The following OSMR variants were observed in gnomAD, a reference collection of about 807,000 sequenced individuals.
OSMR encodes the protein oncostatin-M-specific receptor subunit beta.
OSMR carries 81 observed loss-of-function variants against 99.9 expected under a neutral mutation model. The ratio of observed to expected loss-of-function variants is 0.81; its 90% confidence interval spans 0.68 to 0.97. The LOEUF is 0.97. Ranked by LOEUF, OSMR falls within the 50% of genes least tolerant of loss-of-function variation. The probability of loss-of-function intolerance (pLI) is 0.00; values close to 1 mark genes in which losing one functional copy is unlikely to be tolerated. For synonymous variants in OSMR, 406 were observed against 410.4 expected (o/e 0.99, Z 0.13); for missense variants, 1,099 against 1,153.4 (o/e 0.95, Z 0.68).
At chr5:38,894,490 G>A (rs1251809667) in intron 7 of OSMR, among the ~76,000 whole-genome samples, 4 of 151,850 alleles carry the variant, frequency 2.6e-5, no homozygotes, top group African/African-American at 9.7e-5. Flanking sequence ...TCAAAGTAAA[G>A]GGTTGGAGAA....
Position 38,898,950 on chromosome 5 carries a change from CTT to C in OSMR, c.992-4909_992-4908del, listed in dbSNP as rs58159819. Among the ~76,000 whole-genome samples, 471 of 78,220 alleles carry C rather than the reference CTT, an allele frequency of 6.0e-3. 1 individual carries two copies. The highest frequency in any genetic ancestry group is 0.02 in the African/African-American group (323 of 15,958). The allele number at this position is 78,220 out of a possible 152,430, so 51.3% of individuals were successfully genotyped here. A position where few individuals can be genotyped will look rare whatever the true frequency, so the allele number is the denominator to read the frequency against. On this transcript the variant is annotated intron_variant, in intron 7 of 17. Coordinates refer to ENST00000274276, the MANE Select transcript of OSMR (RefSeq NM_003999.3). ...TTTGTTGTTTCTATTTACATAATAT[CTT>C]TTTTTTTTTTTTTTTTTTTTTTGAG...
intron 9 of OSMR, among the ~76,000 whole-genome samples, chr5:38,908,225 C>A (rs895048029): frequency 2.6e-5 from 4 of 152,198 alleles, no homozygotes; most frequent in Non-Finnish European, 5.9e-5. Flanking sequence ...CCCACCCCTG[C>A]ACTGCCACTG....
chr5:38,852,236 A>G (rs1370686498), intron 1 of OSMR, among the ~76,000 whole-genome samples: 1 of 152,202 alleles, frequency 6.6e-6, no homozygotes, highest in Non-Finnish European at 1.5e-5. Flanking sequence ...TCATGTACAC[A>G]GTGCTATAAC....
chr5:38,924,854 C>A (rs990358731), intron 14 of OSMR, among the ~76,000 whole-genome samples: 2 of 150,888 alleles, frequency 1.3e-5, no homozygotes, highest in Non-Finnish European at 2.9e-5. Context: ...CTTAAGAAAG[C>A]CTGGCCTTTA....
chr5:38,942,216 C>A (rs1747645270), intron 1 of OSMR: 2 of 734,880 alleles, frequency 2.7e-6, no homozygotes, highest in South Asian at 4.6e-5. Context: ...GTCTTTGCTG[C>A]CTAGTCAGTC....
At chr5:38,864,778 G>A (rs186277349) in intron 1 of OSMR, among the ~76,000 whole-genome samples, 4 of 152,048 alleles carry the variant, frequency 2.6e-5, no homozygotes, top group Admixed American at 1.3e-4. Flanking sequence ...TCTATATCTC[G>A]TGCAAGAATT....
chr5:38,900,810 T>C (rs2112519274), intron 7 of OSMR, among the ~76,000 whole-genome samples: 1 of 152,338 alleles, frequency 6.6e-6, no homozygotes, highest in South Asian at 2.1e-4. Context: ...GTTGTGGCTT[T>C]TACAGGTTGT....
exon 2 of OSMR, chr5:38,944,218 G>T (rs913683134): frequency 3.3e-6 from 2 of 606,406 alleles, no homozygotes; most frequent in African/African-American, 3.6e-5. Context: ...CAAAAGTCTG[G>T]CTTAATAGAA....
At chr5:38,907,387 CATCCTGGG>C (rs1410226675) in intron 9 of OSMR, among the ~76,000 whole-genome samples, 1 of 152,236 alleles carries the variant, frequency 6.6e-6, no homozygotes, top group African/African-American at 2.4e-5. Context: ...AATAGAGCTC[CATCCTGGG>C]CAGGGCCCAG....
chr5:38,944,457 A>T, intron 2 of OSMR: 1 of 1,602,614 alleles, frequency 6.2e-7, no homozygotes, highest in Non-Finnish European at 8.5e-7. Flanking sequence ...TTAAAAGCCC[A>T]GTCTCATGAC....
At chr5:38,882,443 C>T (rs1025715806) in intron 4 of OSMR, among the ~76,000 whole-genome samples, 5 of 152,214 alleles carry the variant, frequency 3.3e-5, no homozygotes, top group East Asian at 3.9e-4. Context: ...GGCATGGTGA[C>T]GGGCACCTGT....
At chr5:38,872,654 AC>A (rs1455515631) in intron 2 of OSMR, among the ~76,000 whole-genome samples, 1 of 116,272 alleles carries the variant, frequency 8.6e-6, no homozygotes, top group African/African-American at 2.6e-5. Context: ...TTTCTGAAGA[AC>A]ATTTACAAAA....
At chr5:38,861,746 A>G (rs1318328957) in intron 1 of OSMR, among the ~76,000 whole-genome samples, 33 of 131,412 alleles carry the variant, frequency 2.5e-4, no homozygotes, top group East Asian at 7.1e-4. Context: ...CGGGCAGGGG[A>G]CTGACCCCCC....
chr5:38,891,102 C>G (rs1355367348), intron 7 of OSMR, among the ~76,000 whole-genome samples: 2 of 152,146 alleles, frequency 1.3e-5, no homozygotes, highest in Non-Finnish European at 2.9e-5. Context: ...TATCTTTGTT[C>G]TCAGAAGACA....
intron 4 of OSMR, among the ~76,000 whole-genome samples, chr5:38,882,928 CCAGA>C (rs1743408200): frequency 6.6e-6 from 1 of 152,150 alleles, no homozygotes. Context: ...GAACTCCAAC[CCAGA>C]CAGTCTGGCT....
At chr5:38,940,495 CGTTCTTA>C (rs1747443247), downstream of OSMR, 1 of 232,370 alleles carries the variant, frequency 4.3e-6, no homozygotes, top group Non-Finnish European at 8.5e-6. Context: ...TGACAGGCAA[CGTTCTTA>C]GAAGTACTGT....
At chr5:38,909,590 A>G (rs1745446691) in intron 9 of OSMR, among the ~76,000 whole-genome samples, 2 of 152,250 alleles carry the variant, frequency 1.3e-5, no homozygotes, top group South Asian at 4.1e-4. Flanking sequence ...ACATTCTTAA[A>G]AGAAATTCCA....
At chr5:38,921,856 A>T (rs1481246101) in intron 12 of OSMR, 62 bp downstream of exon 12, 4 of 1,376,490 alleles carry the variant, frequency 2.9e-6, no homozygotes, top group Non-Finnish European at 4.2e-6. Context: ...TTCAAGTGGG[A>T]TTTCTGGACT....
chr5:38,885,464 A>G lies in OSMR; in HGVS notation c.819A>G (p.Gln273=). Residue 273 remains glutamine (Q), a synonymous_variant, in exon 6 of 18, where the codon CAA becomes CAG. Transcript: ENST00000274276. ...TGGGGTGGTCTAAACAACCTTCCCA[A>G]AGCTACACTTTATTTGAATCGTAAG... is the stretch of plus-strand genomic sequence containing the variant. ...TALGWSKQPS[Q]SYTLFESFSG... The G allele has an allele frequency of 6.2e-7, 1 of 1,614,100 alleles. No individual in the cohort carries two copies. The highest frequency in any genetic ancestry group is 8.5e-7 in the Non-Finnish European group (1 of 1,179,936).
Sources: gnomAD v4.1 joint callset for allele counts (sites outside exome capture counted in the v4.1 genomes callset) on GRCh38, gnomAD v4.1.1 for gene constraint, MANE v1.5 for transcripts, NCBI Gene and HGNC (gene_info 2026-07-23, HGNC 2026-07-21) for gene names.